The following SLC14A1 variants were observed in gnomAD, a reference collection of about 807,000 sequenced individuals.
SLC14A1 encodes urea transporter 1.
SLC14A1 carries 36 observed loss-of-function variants against 39.6 expected under a neutral mutation model. The observed-to-expected ratio is 0.91, with a 90% CI of 0.70 to 1.20. The LOEUF is 1.20. Among genes scored for constraint, SLC14A1 ranks in the 50% most tolerant of loss-of-function variants. The pLI is 0.00. For synonymous variants in SLC14A1, 164 were observed against 173.6 expected, an observed-to-expected ratio of 0.94 and a Z score of 0.43; for missense variants, 469 against 478.7, an observed-to-expected ratio of 0.98 and a Z score of 0.19.
chr18:45,741,240 A>C (rs1029956236), intron 8 of SLC14A1: 4 of 152,208 alleles, frequency 2.6e-5, no homozygotes, highest in Non-Finnish European at 4.4e-5. Context: ...TTTTGAGTGG[A>C]GGCTCATTCA....
Position 45,751,743 on chromosome 18 carries a change from C to T in SLC14A1, c.*1792C>T. On this transcript the variant is annotated 3_prime_UTR_variant, in exon 10 of 10. Coordinates refer to ENST00000321925, the MANE Select transcript of SLC14A1 (RefSeq NM_015865.7). The stretch of plus-strand genomic sequence containing the variant: ...TGCAGTGAGCTATATGATCATGTCA[C>T]TGCACTCCAGCCTGTGTGACCGAGC... The T allele has an allele frequency of 6.9e-6, 4 of 583,922 alleles. No individual in the cohort carries two copies. The highest frequency in any genetic ancestry group is 8.6e-6 in the Non-Finnish European group (4 of 464,598). 36.2% of individuals were successfully genotyped at this position (583,922 alleles called of 1,614,324 possible).
In SLC14A1 at chr18:45,751,773, C is replaced by T. The variant is rs1345778872; in HGVS notation, c.*1822C>T. 5 of 787,062 alleles carry T rather than the reference C, an allele frequency of 6.4e-6. No individual in the cohort carries two copies. Among genetic ancestry groups the T allele is most frequent in the Non-Finnish European group, 7.7e-6 (5 of 651,438 alleles). 48.8% of individuals were successfully genotyped at this position (787,062 alleles called of 1,614,324 possible). Reference sequence around the variant, plus strand: ...CTCCAGCCTGTGTGACCGAGCAAGACCCTATCTCAAAAAAATTAATTAATT... The same window carrying T: ...CTCCAGCCTGTGTGACCGAGCAAGATCCTATCTCAAAAAAATTAATTAATT... On this transcript the variant is annotated 3_prime_UTR_variant, in exon 10 of 10. Coordinates refer to ENST00000321925, the MANE Select transcript of SLC14A1 (RefSeq NM_015865.7).
At chr18:45,726,177 T>C (rs1323310997) in intron 2 of SLC14A1, among the ~76,000 whole-genome samples, 1 of 152,190 alleles carries the variant, frequency 6.6e-6, no homozygotes, top group Non-Finnish European at 1.5e-5. Flanking sequence ...TATAGGTAAA[T>C]ATACACACAT....
In SLC14A1 at chr18:45,734,371, T is replaced by C. The variant is rs80044581; in HGVS notation, c.439T>C (p.Leu147=). The change falls in exon 5 of 10, where the codon TTA becomes CTA. Residue 147 remains leucine, a synonymous_variant. Transcript: ENST00000321925. The part of the protein sequence containing the change: ...SDKGDYFWWL[L]LPVCAMSMTC... ...CAAGGGAGACTATTTCTGGTGGCTG[T>C]TACTCCCTGTATGTGCTATGTCCAT... The C allele has an allele frequency of 6.2e-7, 1 of 1,613,970 alleles. No homozygotes were observed. Among genetic ancestry groups the C allele is most frequent in the South Asian group, 1.1e-5 (1 of 91,052 alleles).
rs1236806780 is a variant in SLC14A1 at position 45,739,566 on chromosome 18, G to T, written c.850G>T (p.Gly284Ter). Residue 284 changes from glycine to a stop codon, truncating the protein, a stop_gained, in exon 8 of 10, where the codon GGA (glycine) becomes TGA (stop). Coordinates refer to ENST00000321925, the MANE Select transcript of SLC14A1 (RefSeq NM_015865.7). LOFTEE classifies it high-confidence loss of function. ...AGCCCCATTTGAGGACATCTACTTT[G>T]GACTCTGGGGTTTCAACAGCTCTCT... is the stretch of plus-strand genomic sequence containing the variant. ...LSAPFEDIYF[G>*]LWGFNSSLAC... is the part of the protein sequence containing the mutation. 1 of 1,613,986 alleles carries T rather than the reference G, an allele frequency of 6.2e-7. No homozygotes were observed. Among genetic ancestry groups the T allele is most frequent in the Non-Finnish European group, 8.5e-7 (1 of 1,180,008 alleles).
At position 45,751,414 on chromosome 18, in the gene SLC14A1, C is replaced by T. The variant is rs192025166; in HGVS notation, c.*1463C>T. ...CAAAACAAAACAGGTAAGGATTCCC[C>T]TGTTTTCCTCTCTTTAATTTTAAAG... is the stretch of plus-strand genomic sequence containing the variant. On this transcript the variant is annotated 3_prime_UTR_variant, in exon 10 of 10. Transcript: ENST00000321925. 2.0e-6 allele frequency: 2 copies of T among 984,058 alleles called. No homozygotes were observed. The highest frequency in any genetic ancestry group is 3.5e-5 in the African/African-American group (2 of 57,032). 61.0% of individuals were successfully genotyped at this position (984,058 alleles called of 1,614,324 possible).
intron 2 of SLC14A1, among the ~76,000 whole-genome samples, chr18:45,725,216 G>C (rs576643496): frequency 2.6e-5 from 4 of 152,080 alleles, no homozygotes; most frequent in Non-Finnish European, 5.9e-5. Flanking sequence ...ATTTTATTTC[G>C]TGTAATAAAA....
intron 4 of SLC14A1, chr18:45,731,657 TGGAGAA>T: frequency 4.5e-6 from 1 of 221,962 alleles, no homozygotes; most frequent in Non-Finnish European, 9.1e-6. Flanking sequence ...GCTCAGCTCC[TGGAGAA>T]AAGAATAACC....
chr18:45,751,751 C>A lies in SLC14A1; in HGVS notation c.*1800C>A. The A allele has an allele frequency of 1.5e-6, 1 of 650,068 alleles. No homozygotes were observed. Among genetic ancestry groups the A allele is most frequent in the Non-Finnish European group, 1.9e-6 (1 of 525,328 alleles). 40.3% of individuals were successfully genotyped at this position (650,068 alleles called of 1,614,324 possible). On this transcript the variant is annotated 3_prime_UTR_variant, in exon 10 of 10. Transcript: ENST00000321925. The stretch of plus-strand genomic sequence containing the variant: ...GCTATATGATCATGTCACTGCACTC[C>A]AGCCTGTGTGACCGAGCAAGACCCT...
chr18:45,748,467 C>T, intron 9 of SLC14A1, 42 bp downstream of exon 9: 1 of 1,594,544 alleles, frequency 6.3e-7, no homozygotes, highest in Non-Finnish European at 8.6e-7. Flanking sequence ...CGTAATTGAC[C>T]AGCTTACAAC....
At chr18:45,727,320 C>G in intron 2 of SLC14A1, 4 of 1,551,676 alleles carry the variant, frequency 2.6e-6, no homozygotes, top group Non-Finnish European at 3.5e-6. Flanking sequence ...CCGTCATGGT[C>G]CTGTTTGGAA....
chr18:45,730,203 A>C, intron 2 of SLC14A1, 97 bp from the exon 3 acceptor site: 2 of 1,302,310 alleles, frequency 1.5e-6, no homozygotes, highest in Non-Finnish European at 2.1e-6. Flanking sequence ...TCTATGGAAC[A>C]TAGTGGTCCA....
At chr18:45,746,535 G>T (rs545067388) in intron 8 of SLC14A1, among the ~76,000 whole-genome samples, 3 of 152,318 alleles carry the variant, frequency 2.0e-5, no homozygotes, top group Non-Finnish European at 2.9e-5. Context: ...AAGCAACAAG[G>T]CCTCATGTGC....
intron 7 of SLC14A1, 88 bp from the exon 8 acceptor site, chr18:45,739,439 GC>G: frequency 6.2e-7 from 1 of 1,606,210 alleles, no homozygotes; most frequent in Non-Finnish European, 8.5e-7. Context: ...TTCCCGGGAT[GC>G]TTCCTGCTAA....
chr18:45,725,056 T>C (rs1168087855), intron 2 of SLC14A1, 43 bp downstream of exon 2: 3 of 152,252 alleles, frequency 2.0e-5, no homozygotes, highest in African/African-American at 7.2e-5. Context: ...CTCTTTATTA[T>C]GCTAGACCAT....
rs568189608 is a variant in SLC14A1, at chr18:45,751,712, C to T, written c.*1761C>T. On this transcript the variant is annotated 3_prime_UTR_variant, in exon 10 of 10. Transcript: ENST00000321925. ...GAAAGATCGCTTGTGCACAGAAGTT[C>T]GAGGCTGCAGTGAGCTATATGATCA... 1.5e-5 allele frequency: 7 copies of T among 462,086 alleles called. No homozygotes were observed. The highest frequency in any genetic ancestry group is 9.5e-5 in the South Asian group (1 of 10,582). The allele number at this position is 462,086 out of a possible 1,614,324, so 28.6% of individuals were successfully genotyped here.
chr18:45,736,314 G>C (rs1286249762), intron 5 of SLC14A1, 142 bp from the exon 6 acceptor site: 1 of 754,434 alleles, frequency 1.3e-6, no homozygotes, highest in Non-Finnish European at 2.3e-6. Context: ...TTTATCCCAA[G>C]TTTTCTTTCT....
chr18:45,731,369 A>C (rs910713900), intron 4 of SLC14A1, 165 bp downstream of exon 4: 3 of 714,630 alleles, frequency 4.2e-6, no homozygotes, highest in Admixed American at 2.0e-5. Context: ...AATCAGTTAC[A>C]GTCTCTTGCT....
intron 6 of SLC14A1, among the ~76,000 whole-genome samples, chr18:45,738,844 G>A (rs1209548047): frequency 3.3e-5 from 5 of 152,110 alleles, no homozygotes; most frequent in African/African-American, 1.2e-4. Context: ...ATAGCCAGGA[G>A]CAGTGAGTGG....
Sources: allele counts gnomAD v4.1 joint callset (sites outside exome capture counted in the v4.1 genomes callset), GRCh38; gene constraint gnomAD v4.1.1; transcripts MANE v1.5; gene names NCBI Gene and HGNC (gene_info 2026-07-23, HGNC 2026-07-21).